Variants in GRM8 observed in about 807,000 individuals in gnomAD.
GRM8 encodes the protein glutamate metabotropic receptor 8.
Under a neutral mutation model 87.2 loss-of-function variants are expected in GRM8, and 47 were observed. The observed-to-expected ratio is 0.54, with a 90% CI of 0.43 to 0.69. The LOEUF is 0.69. Ranked by LOEUF, GRM8 falls within the 30% of genes least tolerant of loss-of-function variation. The pLI, the probability that GRM8 is intolerant of heterozygous loss-of-function variation, is 0.00. For missense variants in GRM8, 1,019 were observed against 1,139.2 expected (o/e 0.89, Z 1.52); for synonymous variants, 396 against 404.5 (o/e 0.98, Z 0.25).
intron 3 of GRM8, among the ~76,000 whole-genome samples, chr7:126,984,052 C>CT (rs1293544619): frequency 6.6e-6 from 1 of 152,012 alleles, no homozygotes; most frequent in African/African-American, 2.4e-5. Flanking sequence ...TTCCTTTTTC[C>CT]TTTATCATGT....
intron 7 of GRM8, among the ~76,000 whole-genome samples, chr7:126,751,735 C>G (rs922488089): frequency 6.6e-6 from 1 of 152,146 alleles, no homozygotes; most frequent in Non-Finnish European, 1.5e-5. Context: ...GGGCTCCTTG[C>G]CCCTATTTCA....
chr7:126,672,745 C>G (rs758393259), intron 7 of GRM8, among the ~76,000 whole-genome samples: 3 of 152,116 alleles, frequency 2.0e-5, no homozygotes, highest in Non-Finnish European at 4.4e-5. Context: ...ATCCTTACCC[C>G]TCCCCTTGTT....
intron 6 of GRM8, among the ~76,000 whole-genome samples, chr7:126,835,682 AAGTACCAGCCTCAGAATGCCATTTGGC>A (rs1368079836): frequency 6.6e-6 from 1 of 152,246 alleles, no homozygotes; most frequent in Admixed American, 6.5e-5. Context: ...GGTGATTGGT[AAGTACCAGCCTCAGAATGCCATTTGGC>A]ACACAAATTG....
chr7:127,243,541 T>A (rs1311743902), intron 1 of GRM8, 26 bp from the exon 2 acceptor site: 1 of 281,716 alleles, frequency 3.5e-6, no homozygotes, highest in Non-Finnish European at 6.6e-6. Flanking sequence ...AAAAGGGGGT[T>A]CAGTTCAGTG....
At chr7:126,880,550 T>A (rs965963781) in intron 6 of GRM8, among the ~76,000 whole-genome samples, 1 of 152,202 alleles carries the variant, frequency 6.6e-6, no homozygotes, top group Non-Finnish European at 1.5e-5. Context: ...AATTCCAAAT[T>A]TAGCTTCTGC....
At chr7:126,877,039 T>C (rs980746608) in intron 6 of GRM8, among the ~76,000 whole-genome samples, 3 of 152,194 alleles carry the variant, frequency 2.0e-5, no homozygotes, top group African/African-American at 7.2e-5. Context: ...CAAACTTTTT[T>C]TCTCAAAGTC....
rs201403023 is a variant in GRM8, at chr7:127,032,697, C to T, written c.727+73799G>A. ...AAGAAAATATAAAAAGACCACATAGCCCTCAAATCATCCATTCCCTTTGCA... is the reference window on the plus strand; with the variant it reads ...AAGAAAATATAAAAAGACCACATAGTCCTCAAATCATCCATTCCCTTTGCA... On this transcript the variant is annotated intron_variant, in intron 3 of 10. Coordinates refer to ENST00000339582, the MANE Select transcript of GRM8 (RefSeq NM_000845.3). Among the ~76,000 whole-genome samples, 3 of 152,202 alleles carry T rather than the reference C, an allele frequency of 2.0e-5. No homozygotes were observed. The East Asian group carries it at 5.8e-4, about 29-fold the overall frequency.
chr7:127,000,326 T>A (rs986228434), intron 3 of GRM8, among the ~76,000 whole-genome samples: 1 of 151,664 alleles, frequency 6.6e-6, no homozygotes, highest in Non-Finnish European at 1.5e-5. Flanking sequence ...TAAGACCTAG[T>A]ATTTGATAGC....
intron 9 of GRM8, among the ~76,000 whole-genome samples, chr7:126,469,670 C>T (rs945028934): frequency 6.6e-6 from 1 of 152,158 alleles, no homozygotes; most frequent in Non-Finnish European, 1.5e-5. Context: ...GTTTATTTCT[C>T]CTTCTGCCAT....
chr7:126,851,176 C>T (rs1359028070), intron 6 of GRM8, among the ~76,000 whole-genome samples: 2 of 152,088 alleles, frequency 1.3e-5, no homozygotes, highest in Non-Finnish European at 2.9e-5. Context: ...CTCGTATATA[C>T]TTTATCTATC....
chr7:126,861,233 T>C (rs1798109651), intron 6 of GRM8, among the ~76,000 whole-genome samples: 1 of 152,140 alleles, frequency 6.6e-6, no homozygotes, highest in Non-Finnish European at 1.5e-5. Context: ...ACTATGCTTT[T>C]ATTTGTTTCT....
chr7:126,581,162 A>G (rs1795573061), intron 8 of GRM8, among the ~76,000 whole-genome samples: 1 of 151,894 alleles, frequency 6.6e-6, no homozygotes, highest in Non-Finnish European at 1.5e-5. Context: ...TTTAGAAAAA[A>G]ATAAAAAATA....
chr7:126,822,059 G>T (rs1490550017), intron 6 of GRM8, among the ~76,000 whole-genome samples: 2 of 152,090 alleles, frequency 1.3e-5, no homozygotes, highest in Non-Finnish European at 2.9e-5. Context: ...TTTTTAGTAA[G>T]AATGCCACAG....
chr7:126,870,540 T>A (rs1799002913), intron 6 of GRM8: 1 of 152,092 alleles, frequency 6.6e-6, no homozygotes, highest in Non-Finnish European at 1.5e-5. Context: ...CATTGTAGGG[T>A]TATTAATTGG....
rs573966348 is a variant in GRM8, at chr7:126,477,642, C to T, written c.2431-31270G>A. Among the ~76,000 whole-genome samples the T allele has an allele frequency of 2.7e-4, 25 of 93,928 alleles. No homozygotes were observed. In the East Asian group the frequency reaches 5.7e-3, roughly 21 times the overall value. The allele number at this position is 93,928 out of a possible 152,430, so 61.6% of individuals were successfully genotyped here. ...AAGAAAGAAAGAAAGAAAGAAAAAA[C>T]GAAAGAGAAAGAAAGAAAAGAGGAA... On this transcript the variant is annotated intron_variant, in intron 9 of 10. Transcript: ENST00000339582.
chr7:126,595,080 T>TA (rs1273562688), intron 8 of GRM8, among the ~76,000 whole-genome samples: 1 of 152,132 alleles, frequency 6.6e-6, no homozygotes, highest in East Asian at 1.9e-4. Flanking sequence ...ATATGCTCAG[T>TA]AAAAAAAGCT....
chr7:127,139,377 C>T (rs914047992), intron 2 of GRM8, among the ~76,000 whole-genome samples: 1 of 152,026 alleles, frequency 6.6e-6, no homozygotes, highest in Admixed American at 6.5e-5. Context: ...GTCACAGTAC[C>T]TCATAGTAGT....
intron 3 of GRM8, among the ~76,000 whole-genome samples, chr7:127,035,169 A>T (rs1817737491): frequency 6.6e-6 from 1 of 152,174 alleles, no homozygotes; most frequent in East Asian, 1.9e-4. Context: ...CATAAAAAAC[A>T]ATTCTTTTCC....
chr7:127,251,998 A>T (rs1185509168), intron 1 of GRM8: 1 of 151,494 alleles, frequency 6.6e-6, no homozygotes, highest in Non-Finnish European at 1.5e-5. Flanking sequence ...TTCCCCCGCG[A>T]CCCCCATCCT....
Sources: allele counts gnomAD v4.1 joint callset (sites outside exome capture counted in the v4.1 genomes callset), GRCh38; gene constraint gnomAD v4.1.1; transcripts MANE v1.5; gene names NCBI Gene and HGNC (gene_info 2026-07-23, HGNC 2026-07-21).